Variants in NAA38 observed in about 807,000 individuals in gnomAD.
NAA38 encodes LSM domain containing 1.
A neutral mutation model predicts 12.6 loss-of-function variants in NAA38; 15 were observed. The observed-to-expected ratio is 1.19, with a 90% CI of 0.79 to 1.83. NAA38 has a LOEUF of 1.83. Ranked by LOEUF, NAA38 falls within the 40% of genes most tolerant of loss-of-function variation. NAA38 has a pLI of 0.00. For synonymous variants in NAA38, 88 were observed against 69.9 expected (o/e 1.26, Z -1.29); for missense variants, 183 against 171.7 (o/e 1.07, Z -0.37).
At chr17:7,863,993 C>T (rs1001618971) in intron 3 of NAA38, 2 of 152,100 alleles carry the variant, frequency 1.3e-5, no homozygotes, top group African/African-American at 4.8e-5. Context: ...CTGGCTGTAC[C>T]TTGGAGCTGA....
At chr17:7,881,093 A>C (rs966137649) in intron 2 of NAA38, among the ~76,000 whole-genome samples, 1 of 152,212 alleles carries the variant, frequency 6.6e-6, no homozygotes. Context: ...AAAGACTTGT[A>C]TATGTGTAGA....
intron 2 of NAA38, among the ~76,000 whole-genome samples, chr17:7,882,622 G>C (rs917143980): frequency 1.3e-4 from 20 of 152,036 alleles, no homozygotes; most frequent in African/African-American, 4.4e-4. Flanking sequence ...GGAAAAGGAG[G>C]AGGAGTTAGA....
At chr17:7,865,688 T>C (rs1386722656) in intron 3 of NAA38, 1 of 152,108 alleles carries the variant, frequency 6.6e-6, no homozygotes, top group Non-Finnish European at 1.5e-5. Context: ...GGAATTACAC[T>C]GTAAGAAGAA....
At chr17:7,870,609 C>G (rs1474044433) in intron 2 of NAA38, among the ~76,000 whole-genome samples, 1 of 151,978 alleles carries the variant, frequency 6.6e-6, no homozygotes, top group Non-Finnish European at 1.5e-5. Context: ...TGGCCAGGCA[C>G]GGTGGCTCAC....
At chr17:7,876,244 G>T (rs556731044) in intron 2 of NAA38, among the ~76,000 whole-genome samples, 1 of 152,068 alleles carries the variant, frequency 6.6e-6, no homozygotes, top group East Asian at 1.9e-4. Flanking sequence ...GAAGCATCTA[G>T]TATCAATGAT....
intron 1 of NAA38, 70 bp from the exon 2 acceptor site, chr17:7,857,268 G>A: frequency 6.2e-7 from 1 of 1,609,736 alleles, no homozygotes; most frequent in Non-Finnish European, 8.5e-7. Flanking sequence ...ACAGCTCCCG[G>A]CAGCCCGCGG....
At chr17:7,857,572 C>T (rs1015971496), upstream of NAA38, 2 of 1,400,832 alleles carry the variant, frequency 1.4e-6, no homozygotes, top group South Asian at 1.7e-5. Flanking sequence ...GAGATCCCCT[C>T]TCCTCCCCCT....
At chr17:7,885,169 C>A in exon 1 of NAA38, 1 of 980,594 alleles carries the variant, frequency 1.0e-6, no homozygotes, top group Non-Finnish European at 1.2e-6. Flanking sequence ...ACCCACCGCG[C>A]GGCCGAGCCG....
upstream of NAA38, chr17:7,858,529 G>T: frequency 6.2e-7 from 1 of 1,613,796 alleles, no homozygotes; most frequent in Non-Finnish European, 8.5e-7. Context: ...TGGAGAGCGG[G>T]GATGGGAAGG....
At chr17:7,878,404 C>T (rs958665439) in intron 2 of NAA38, among the ~76,000 whole-genome samples, 5 of 151,124 alleles carry the variant, frequency 3.3e-5, no homozygotes, top group African/African-American at 9.7e-5. Context: ...AGTTAGTGAT[C>T]AACATGGGGT....
At chr17:7,878,858 T>C (rs1339158116) in intron 2 of NAA38, among the ~76,000 whole-genome samples, 1 of 152,032 alleles carries the variant, frequency 6.6e-6, no homozygotes, top group Non-Finnish European at 1.5e-5. Context: ...CCCACTAAAA[T>C]CTACTCACAT....
At chr17:7,878,682 C>T (rs1381164932) in intron 2 of NAA38, among the ~76,000 whole-genome samples, 5 of 152,034 alleles carry the variant, frequency 3.3e-5, no homozygotes, top group African/African-American at 1.2e-4. Context: ...GCTGAGATCG[C>T]GCCATTGCAC....
At chr17:7,858,296 TA>T, upstream of NAA38, 2 of 1,613,480 alleles carry the variant, frequency 1.2e-6, no homozygotes, top group Non-Finnish European at 8.5e-7. Flanking sequence ...AATACAAGGG[TA>T]AGGGCCACAC....
At chr17:7,862,050 T>A (rs777864242), upstream of NAA38, 6 of 152,182 alleles carry the variant, frequency 3.9e-5, no homozygotes, top group Admixed American at 1.3e-4. Context: ...TGTTCCTTCC[T>A]CAGGGAGGTC....
upstream of NAA38, chr17:7,858,860 T>C: frequency 6.7e-7 from 1 of 1,488,942 alleles, no homozygotes. Context: ...TTAGAAGGAA[T>C]GGGGAATCCC....
upstream of NAA38, chr17:7,857,928 A>G: frequency 1.4e-6 from 2 of 1,426,956 alleles, no homozygotes; most frequent in Admixed American, 2.9e-5. Flanking sequence ...GACTCATACT[A>G]CGTTTCCCGT....
intron 2 of NAA38, among the ~76,000 whole-genome samples, chr17:7,873,739 A>G (rs1458454693): frequency 1.3e-5 from 2 of 152,220 alleles, no homozygotes; most frequent in Non-Finnish European, 2.9e-5. Context: ...AAAAGGACAA[A>G]TATGGATAGA....
chr17:7,885,043 GCCGCCA>G (rs1241916951), intron 1 of NAA38: 2 of 1,088,844 alleles, frequency 1.8e-6, no homozygotes, highest in Non-Finnish European at 2.2e-6. Context: ...CGCCGCCGCC[GCCGCCA>G]CCGCTGCCCC....
intron 2 of NAA38, among the ~76,000 whole-genome samples, chr17:7,875,709 T>C (rs577471161): frequency 6.6e-6 from 1 of 152,176 alleles, no homozygotes; most frequent in East Asian, 1.9e-4. Flanking sequence ...TCAGGGGTTT[T>C]TAGTATATTC....
Sources: gnomAD v4.1 joint callset for allele counts (sites outside exome capture counted in the v4.1 genomes callset) on GRCh38, gnomAD v4.1.1 for gene constraint, MANE v1.5 for transcripts, NCBI Gene and HGNC (gene_info 2026-07-23, HGNC 2026-07-21) for gene names.